Variants in SLCO2A1 observed in about 807,000 individuals in gnomAD.
SLCO2A1 encodes the protein solute carrier organic anion transporter family member 2A1.
In SLCO2A1, 60 loss-of-function variants were observed where a neutral mutation model predicts 71.7. The ratio of observed to expected loss-of-function variants is 0.84; its 90% CI spans 0.68 to 1.04. The LOEUF (loss-of-function observed/expected upper bound fraction) is 1.04. Ranked by LOEUF, SLCO2A1 falls within the 50% of genes least tolerant of loss-of-function variation. The pLI is 0.00. For synonymous variants in SLCO2A1, 308 were observed against 326.7 expected, an observed-to-expected ratio of 0.94 and a Z score of 0.62; for missense variants, 745 against 813.4, an observed-to-expected ratio of 0.92 and a Z score of 1.02.
chr3:133,968,290 C>G (rs1321921950), intron 3 of SLCO2A1, among the ~76,000 whole-genome samples: 1 of 151,816 alleles, frequency 6.6e-6, no homozygotes, highest in Non-Finnish European at 1.5e-5. Context: ...TACACAATTA[C>G]CCACAAACAA....
intron 4 of SLCO2A1, among the ~76,000 whole-genome samples, chr3:133,954,287 C>T (rs974214526): frequency 6.6e-6 from 1 of 151,142 alleles, no homozygotes; most frequent in East Asian, 2.0e-4. Context: ...CTCAGCATCC[C>T]AAGTAGCTGG....
At chr3:134,005,855 G>T (rs1935205147) in intron 1 of SLCO2A1, among the ~76,000 whole-genome samples, 1 of 152,080 alleles carries the variant, frequency 6.6e-6, no homozygotes, top group Admixed American at 6.5e-5. Context: ...TATTTACCAT[G>T]AAGTTTATTT....
chr3:133,953,203 A>AT (rs1464547463), intron 5 of SLCO2A1, among the ~76,000 whole-genome samples: 7 of 151,852 alleles, frequency 4.6e-5, no homozygotes, highest in African/African-American at 9.7e-5. Flanking sequence ...CGCCCGGCTA[A>AT]TTTTTTTGTA....
chr3:134,003,535 C>A (rs1029735717), intron 1 of SLCO2A1, among the ~76,000 whole-genome samples: 19 of 152,184 alleles, frequency 1.2e-4, no homozygotes, highest in Non-Finnish European at 7.3e-5. Flanking sequence ...AGAAGCTTAC[C>A]CCAAGCATGC....
intron 1 of SLCO2A1, among the ~76,000 whole-genome samples, chr3:134,002,425 T>A (rs1935125314): frequency 6.6e-6 from 1 of 152,196 alleles, no homozygotes; most frequent in African/African-American, 2.4e-5. Context: ...CTCCCATCAA[T>A]GACAGCTCCT....
At chr3:133,988,464 G>A (rs1467086812) in intron 1 of SLCO2A1, among the ~76,000 whole-genome samples, 1 of 152,178 alleles carries the variant, frequency 6.6e-6, no homozygotes, top group Non-Finnish European at 1.5e-5. Flanking sequence ...TTTCTTGAAT[G>A]TATTTGATCG....
At position 133,953,719 on chromosome 3, in the gene SLCO2A1, T is replaced by C; in HGVS notation, c.668A>G (p.Tyr223Cys). The C allele has an allele frequency of 6.2e-7, 1 of 1,614,130 alleles. No individual in the cohort carries two copies. Among genetic ancestry groups the C allele is most frequent in the Non-Finnish European group, 8.5e-7 (1 of 1,180,026 alleles). ...CTGCAGCATGACAGAGCCCAGCAGGTACCCGAAAGCCGGTCCAAATACAGA... is the reference window on the plus strand; with the variant it reads ...CTGCAGCATGACAGAGCCCAGCAGGCACCCGAAAGCCGGTCCAAATACAGA... ...AISVFGPAFG[Y>C]LLGSVMLQIF... Residue 223 changes from tyrosine to cysteine, a missense_variant, in exon 5 of 14, where the codon TAC (tyrosine) becomes TGC (cysteine). Coordinates refer to ENST00000310926, the MANE Select transcript of SLCO2A1 (RefSeq NM_005630.3).
Position 134,015,177 on chromosome 3 carries a change from G to A in SLCO2A1, c.96+14530C>T, listed in dbSNP as rs143126899. Among the ~76,000 whole-genome samples the A allele has an allele frequency of 1.8e-3, 280 of 152,260 alleles. 1 individual carries two copies. Among genetic ancestry groups the A allele is most frequent in the African/African-American group, 6.3e-3 (260 of 41,540 alleles). ...ACATTATTCACAATAGCGAAGATAT[G>A]GAATCAACCTCAGCATCCATCAGTG... On this transcript the variant is annotated intron_variant, in intron 1 of 13. Transcript: ENST00000310926.
chr3:133,938,751 C>T (rs533955937), intron 11 of SLCO2A1, among the ~76,000 whole-genome samples: 4 of 152,158 alleles, frequency 2.6e-5, no homozygotes, highest in African/African-American at 9.6e-5. Context: ...CTTACTGAGT[C>T]GGAAAGTCTG....
intron 1 of SLCO2A1, among the ~76,000 whole-genome samples, chr3:134,011,125 A>C (rs1935333270): frequency 6.6e-6 from 1 of 152,106 alleles, no homozygotes; most frequent in South Asian, 2.1e-4. Context: ...ATCTCGGCTC[A>C]CTGCAACCTC....
In SLCO2A1 at chr3:134,004,093, C is replaced by CGTGT. The variant is rs71139603; in HGVS notation, c.97-24479_97-24476dup. The stretch of plus-strand genomic sequence containing the variant: ...AGCCAAATTTTGTAATGAATCTCTT[C>CGTGT]GTGTGTGTGTGTGTGTGTGTGTGTG... On this transcript the variant is annotated intron_variant, in intron 1 of 13. Transcript: ENST00000310926. Among the ~76,000 whole-genome samples the CGTGT allele has an allele frequency of 1.0e-3, 152 of 149,620 alleles. 1 individual carries two copies. Among genetic ancestry groups the CGTGT allele is most frequent in the African/African-American group, 3.2e-3 (130 of 40,378 alleles).
intron 1 of SLCO2A1, among the ~76,000 whole-genome samples, chr3:133,986,917 A>C (rs1283002191): frequency 1.3e-5 from 2 of 152,196 alleles, no homozygotes; most frequent in Non-Finnish European, 2.9e-5. Flanking sequence ...CGGAACTACG[A>C]TCTAACCATT....
At chr3:133,947,713 G>A (rs1479692270) in intron 8 of SLCO2A1, among the ~76,000 whole-genome samples, 3 of 152,188 alleles carry the variant, frequency 2.0e-5, no homozygotes, top group African/African-American at 7.2e-5. Context: ...GGTTGAATAT[G>A]CATTTATTAA....
chr3:134,012,385 TGGTACATGCCTGG>T (rs1256081634), intron 1 of SLCO2A1, among the ~76,000 whole-genome samples: 1 of 152,138 alleles, frequency 6.6e-6, no homozygotes, highest in Non-Finnish European at 1.5e-5. Context: ...AGGAGAAACC[TGGTACATGCCTGG>T]GGTGCTACAA....
intron 1 of SLCO2A1, among the ~76,000 whole-genome samples, chr3:134,010,395 A>G (rs1439251367): frequency 6.6e-6 from 1 of 151,808 alleles, no homozygotes; most frequent in Non-Finnish European, 1.5e-5. Flanking sequence ...AGGCAGCAGG[A>G]GAGAGAGAGA....
At chr3:134,014,172 C>T (rs1052071708) in intron 1 of SLCO2A1, among the ~76,000 whole-genome samples, 1 of 152,116 alleles carries the variant, frequency 6.6e-6, no homozygotes, top group Admixed American at 6.5e-5. Context: ...CAGTAGTTTG[C>T]CACATTTCTG....
At chr3:133,971,210 T>A (rs976614184) in intron 3 of SLCO2A1, among the ~76,000 whole-genome samples, 1 of 152,230 alleles carries the variant, frequency 6.6e-6, no homozygotes, top group African/African-American at 2.4e-5. Context: ...GGGCAGGGAT[T>A]GTGGCTCTGG....
chr3:134,007,649 C>T (rs1935247984), intron 1 of SLCO2A1, among the ~76,000 whole-genome samples: 1 of 152,102 alleles, frequency 6.6e-6, no homozygotes, highest in African/African-American at 2.4e-5. Context: ...GAGTAGTGGG[C>T]AGGGTTTTAT....
chr3:134,002,992 C>A (rs562352291), intron 1 of SLCO2A1, among the ~76,000 whole-genome samples: 1 of 152,208 alleles, frequency 6.6e-6, no homozygotes, highest in Non-Finnish European at 1.5e-5. Context: ...GAACTCCACA[C>A]GGAGGGTCTG....
Sources: gnomAD v4.1 joint callset for allele counts (sites outside exome capture counted in the v4.1 genomes callset) on GRCh38, gnomAD v4.1.1 for gene constraint, MANE v1.5 for transcripts, NCBI Gene and HGNC (gene_info 2026-07-23, HGNC 2026-07-21) for gene names.